Variants in INTS3 observed in about 807,000 individuals in gnomAD.
INTS3 encodes the protein integrator complex subunit 3.
A neutral mutation model predicts 146.3 loss-of-function variants in INTS3; 34 were observed. The observed-to-expected ratio is 0.23, with a 90% CI of 0.18 to 0.31. The LOEUF (loss-of-function observed/expected upper bound fraction) is 0.31, where lower values mean the gene tolerates loss of function less well. INTS3 is among the 10% of genes least tolerant of loss of function. The pLI, the probability that INTS3 is intolerant of heterozygous loss-of-function variation, is 1.00. For missense variants in INTS3, 757 were observed against 1,304.2 expected, an observed-to-expected ratio of 0.58 and a Z score of 6.46; for synonymous variants, 475 against 494.9, an observed-to-expected ratio of 0.96 and a Z score of 0.53.
Position 153,761,841 on chromosome 1 carries a change from TTGTC to T in INTS3, c.1516+171_1516+174del, listed in dbSNP as rs1672395460. ...TTTATCTTTTTTATTCATTTTTGTG[TTGTC>T]TGTCTTGATTCTCTTGCTTTATCTA... is the stretch of plus-strand genomic sequence containing the variant. On this transcript the variant is annotated intron_variant, in intron 14 of 29. Transcript: ENST00000318967. Among the ~76,000 whole-genome samples, 14 of 152,374 alleles carry T rather than the reference TTGTC, an allele frequency of 9.2e-5. No homozygotes were observed. In the South Asian group the frequency reaches 2.9e-3, roughly 32 times the overall value.
chr1:153,745,671 C>CTT (rs986364255), intron 3 of INTS3, among the ~76,000 whole-genome samples: 3 of 147,404 alleles, frequency 2.0e-5, no homozygotes, highest in African/African-American at 5.0e-5. Flanking sequence ...AAAAAAAAAA[C>CTT]TAAGGGGGGA....
Position 153,748,671 on chromosome 1 carries a change from T to C in INTS3, c.518-18T>C, listed in dbSNP as rs201677519. ...CTTGCTAATCGGAGCTATTCTTTTT[T>C]TCCCCTTTTGAAATCAGGTGGAGAT... On this transcript the variant is annotated intron_variant, in intron 5 of 29. Coordinates refer to ENST00000318967, the MANE Select transcript of INTS3 (RefSeq NM_023015.5). 1.9e-6 allele frequency: 3 copies of C among 1,609,502 alleles called. No homozygotes were observed. The highest frequency in any genetic ancestry group is 2.6e-6 in the Non-Finnish European group (3 of 1,175,734).
intron 25 of INTS3, 22 bp downstream of exon 25, chr1:153,770,755 C>CT: frequency 6.3e-7 from 1 of 1,595,606 alleles, no homozygotes; most frequent in Non-Finnish European, 8.6e-7. Flanking sequence ...TTCTGGGGCT[C>CT]TTTAGCCCTC....
chr1:153,733,131 G>A (rs1224366052), intron 1 of INTS3, among the ~76,000 whole-genome samples: 5 of 144,952 alleles, frequency 3.4e-5, no homozygotes, highest in Admixed American at 2.1e-4. Flanking sequence ...ATGAGCCACC[G>A]TGCCGGGCCA....
Position 153,772,920 on chromosome 1 carries a change from C to G in INTS3, c.2895-5C>G, listed in dbSNP as rs1490549161. On this transcript the variant is annotated splice_region_variant and splice_polypyrimidine_tract_variant and intron_variant, in intron 28 of 29. Coordinates refer to ENST00000318967, the MANE Select transcript of INTS3 (RefSeq NM_023015.5). This position sits in a 1 kb window ranked among gnomAD's most constrained non-coding sequence, Gnocchi z 4.6. ...ACTCAAAGAGCTACCGCTCCTTTTC[C>G]TTAGATTCAGTGATCTCTTCTCCCT... The G allele has an allele frequency of 6.2e-7, 1 of 1,614,108 alleles. No individual in the cohort carries two copies.
At chr1:153,732,367 C>A (rs2101772072) in intron 1 of INTS3, among the ~76,000 whole-genome samples, 1 of 152,204 alleles carries the variant, frequency 6.6e-6, no homozygotes, top group Middle Eastern at 3.4e-3. Flanking sequence ...ATCATAATTT[C>A]ATATACCAGT....
intron 2 of INTS3, 83 bp downstream of exon 2, chr1:153,740,817 G>A: frequency 8.9e-7 from 1 of 1,117,676 alleles, no homozygotes; most frequent in East Asian, 2.4e-5. Flanking sequence ...AGACTAAGTG[G>A]TTGGGGGTAG....
Position 153,761,688 on chromosome 1 carries a change from G to GC in INTS3, c.1516+15dup. The GC allele has an allele frequency of 1.3e-6, 2 of 1,577,368 alleles. No individual in the cohort carries two copies. Among genetic ancestry groups the GC allele is most frequent in the Non-Finnish European group, 1.7e-6 (2 of 1,146,952 alleles). On this transcript the variant is annotated intron_variant, in intron 14 of 29. Coordinates refer to ENST00000318967, the MANE Select transcript of INTS3 (RefSeq NM_023015.5). ...CCCACCTGTGGAAGGTATGAGGCCCGCCCATTCCATCACCTGTGTCAAAAG... is the reference window on the plus strand; with the variant it reads ...CCCACCTGTGGAAGGTATGAGGCCCGCCCCATTCCATCACCTGTGTCAAAAG...
intron 10 of INTS3, among the ~76,000 whole-genome samples, chr1:153,759,182 G>A (rs1672279479): frequency 6.6e-6 from 1 of 151,712 alleles, no homozygotes; most frequent in African/African-American, 2.4e-5. Context: ...GCTGAGGTGA[G>A]AGGCTCTCTC....
rs59539957 is a variant in INTS3, at chr1:153,729,865, C to CAAA, written c.150+1096_150+1098dup. ...GACGACAGAGCGAGAGACCCCGTCT[C>CAAA]AAAAAAAAAAAAAAAAAGAATATGA... On this transcript the variant is annotated intron_variant, in intron 1 of 29. Coordinates refer to ENST00000318967, the MANE Select transcript of INTS3 (RefSeq NM_023015.5). Among the ~76,000 whole-genome samples the CAAA allele has an allele frequency of 2.5e-3, 318 of 127,746 alleles. 3 individuals are homozygous for CAAA. Among genetic ancestry groups the CAAA allele is most frequent in the African/African-American group, 8.6e-3 (290 of 33,584 alleles). The allele number at this position is 127,746 out of a possible 152,430, so 83.8% of individuals were successfully genotyped here.
intron 4 of INTS3, 71 bp downstream of exon 4, chr1:153,747,141 G>C (rs993903944): frequency 1.5e-6 from 2 of 1,349,492 alleles, no homozygotes; most frequent in African/African-American, 1.4e-5. Flanking sequence ...TCAGGAACGG[G>C]AAAGAGGAAT....
Position 153,772,019 on chromosome 1 carries a change from T to TGGG in INTS3, c.2720+56_2720+57insGGG. On this transcript the variant is annotated intron_variant, in intron 26 of 29. Transcript: ENST00000318967. The surrounding 1 kb of genome is among the most constrained non-coding windows in gnomAD (Gnocchi z 4.6). ...CCATGGCGGTCTGCAGTGATTGCTG[T>TGGG]CGGTGGTGGTGGTGGTGGTGGTGGT... 1.4e-6 allele frequency: 2 copies of TGGG among 1,433,518 alleles called. No homozygotes were observed. Among genetic ancestry groups the TGGG allele is most frequent in the Non-Finnish European group, 1.9e-6 (2 of 1,054,586 alleles). 88.8% of individuals were successfully genotyped at this position (1,433,518 alleles called of 1,614,324 possible).
intron 21 of INTS3, 146 bp from the exon 22 acceptor site, chr1:153,768,747 G>A (rs989766831): frequency 1.6e-6 from 1 of 638,474 alleles, no homozygotes; most frequent in Non-Finnish European, 2.8e-6. Context: ...CATCATAGCT[G>A]TTGGATCTCT....
At chr1:153,754,849 T>C (rs1315163035) in intron 9 of INTS3, 110 bp downstream of exon 9, 1 of 732,404 alleles carries the variant, frequency 1.4e-6, no homozygotes, top group African/African-American at 1.7e-5. Context: ...GGTGGCTAAA[T>C]GATCGTACCT....
At chr1:153,733,430 C>G (rs943577479) in intron 1 of INTS3, among the ~76,000 whole-genome samples, 1 of 151,370 alleles carries the variant, frequency 6.6e-6, no homozygotes, top group African/African-American at 2.4e-5. Flanking sequence ...CCAGGCTGCT[C>G]TCGAAGTCGT....
chr1:153,741,391 C>T (rs1671530991), intron 3 of INTS3, 23 bp downstream of exon 3: 1 of 1,526,498 alleles, frequency 6.6e-7, no homozygotes. Context: ...GCTCTGGACC[C>T]ATAAACCCTC....
chr1:153,760,775 A>C, intron 12 of INTS3, 52 bp from the exon 13 acceptor site: 1 of 1,379,916 alleles, frequency 7.2e-7, no homozygotes, highest in South Asian at 1.2e-5. Flanking sequence ...ATTCAGCGGA[A>C]GCCTCTGGAT....
chr1:153,737,045 G>T (rs1347970083), intron 1 of INTS3, among the ~76,000 whole-genome samples: 1 of 152,034 alleles, frequency 6.6e-6, no homozygotes, highest in African/African-American at 2.4e-5. Context: ...GGGATTGCAG[G>T]CGTGAGCCAC....
Position 153,733,174 on chromosome 1 carries a change from T to C in INTS3, c.150+4390T>C, listed in dbSNP as rs115146897. Among the ~76,000 whole-genome samples the C allele has an allele frequency of 8.8e-3, 1,171 of 133,096 alleles. 11 individuals are homozygous for C. Among genetic ancestry groups the C allele is most frequent in the African/African-American group, 0.03 (1,124 of 37,294 alleles). 87.3% of individuals were successfully genotyped at this position (133,096 alleles called of 152,430 possible). ...GTCTTTTAAGGCCACTGACTTCCCATAGGGAGCAGTATTTACCGAATGCTT... is the reference window on the plus strand; with the variant it reads ...GTCTTTTAAGGCCACTGACTTCCCACAGGGAGCAGTATTTACCGAATGCTT... On this transcript the variant is annotated intron_variant, in intron 1 of 29. Transcript: ENST00000318967.
Sources: gnomAD v4.1 joint callset for allele counts (sites outside exome capture counted in the v4.1 genomes callset) on GRCh38, gnomAD v4.1.1 for gene constraint, Gnocchi (gnomAD v3.1) non-coding constraint, MANE v1.5 for transcripts, NCBI Gene and HGNC (gene_info 2026-07-23, HGNC 2026-07-21) for gene names.